The following PPP2R5C variants were observed in gnomAD, a reference collection of about 807,000 sequenced individuals.
PPP2R5C encodes the protein serine/threonine-protein phosphatase 2A 56 kDa regulatory subunit gamma isoform.
PPP2R5C carries 7 observed loss-of-function variants against 68.9 expected under a neutral mutation model. The ratio of observed to expected loss-of-function variants is 0.10; its 90% confidence interval spans 0.06 to 0.19. The LOEUF is 0.19. Ranked by LOEUF, PPP2R5C falls within the 10% of genes least tolerant of loss-of-function variation. The pLI, the probability that PPP2R5C is intolerant of heterozygous loss-of-function variation, is 1.00. For missense variants in PPP2R5C, 348 were observed against 641.3 expected, an observed-to-expected ratio of 0.54 and a Z score of 4.94; for synonymous variants, 210 against 222.2, an observed-to-expected ratio of 0.95 and a Z score of 0.49.
intron 1 of PPP2R5C, among the ~76,000 whole-genome samples, chr14:101,834,902 G>T (rs1448394507): frequency 6.6e-6 from 1 of 152,178 alleles, no homozygotes. Flanking sequence ...TGGGCCTGTG[G>T]CCACAGAGCC....
chr14:101,853,058 C>T (rs913766679), intron 1 of PPP2R5C, among the ~76,000 whole-genome samples: 1 of 152,056 alleles, frequency 6.6e-6, no homozygotes, highest in Non-Finnish European at 1.5e-5. Flanking sequence ...CTTCCACCAC[C>T]TCCACCCATT....
At chr14:101,827,337 A>G (rs1787817076) in intron 1 of PPP2R5C, among the ~76,000 whole-genome samples, 1 of 152,114 alleles carries the variant, frequency 6.6e-6, no homozygotes, top group South Asian at 2.1e-4. Context: ...TGCATTTATC[A>G]TTTATCCTGT....
chr14:101,917,764 C>T lies in PPP2R5C; in HGVS notation c.1327-67C>T. The T allele has an allele frequency of 6.2e-7, 1 of 1,602,776 alleles. No homozygotes were observed. The highest frequency in any genetic ancestry group is 1.3e-5 in the African/African-American group (1 of 74,758). On this transcript the variant is annotated intron_variant, in intron 12 of 13. Transcript: ENST00000334743. This position sits in a 1 kb window ranked among gnomAD's most constrained non-coding sequence, Gnocchi z 4.4. Reference sequence around the variant, plus strand: ...GCGGCAGGGGAGATGAGTCCCTAGCCAGGATGAGAAGCTTGGAGTTCAGAG... The same window carrying T: ...GCGGCAGGGGAGATGAGTCCCTAGCTAGGATGAGAAGCTTGGAGTTCAGAG...
In PPP2R5C at chr14:101,877,166, C is replaced by G. The variant is rs1225369273; in HGVS notation, c.295-4995C>G. On this transcript the variant is annotated intron_variant, in intron 2 of 13. Coordinates refer to ENST00000334743, the Ensembl canonical transcript of PPP2R5C. This position sits in a 1 kb window ranked among gnomAD's most constrained non-coding sequence, Gnocchi z 4.2. ...GTTTCACCATGTTGGCTAGGCTGCT[C>G]TTGAACTCTTGACCTCAAGTGATCC... Among the ~76,000 whole-genome samples the G allele has an allele frequency of 6.6e-6, 1 of 152,042 alleles. No individual in the cohort carries two copies. Among genetic ancestry groups the G allele is most frequent in the African/African-American group, 2.4e-5 (1 of 41,390 alleles).
At position 101,917,667 on chromosome 14, in the gene PPP2R5C, C is replaced by A; in HGVS notation, c.1327-164C>A. On this transcript the variant is annotated intron_variant, in intron 12 of 13. Transcript: ENST00000334743. This position sits in a 1 kb window ranked among gnomAD's most constrained non-coding sequence, Gnocchi z 4.4. ...AGTGCTTTCTGGTTTCAGAAGTCAG[C>A]AGCCGCATCATGTTGCAGGTGTAGG... The A allele has an allele frequency of 1.2e-6, 1 of 839,294 alleles. No individual in the cohort carries two copies. Among genetic ancestry groups the A allele is most frequent in the Non-Finnish European group, 1.8e-6 (1 of 549,750 alleles). 52.0% of individuals were successfully genotyped at this position (839,294 alleles called of 1,614,324 possible).
chr14:101,803,000 A>G (rs1287302073), intron 3 of PPP2R5C, among the ~76,000 whole-genome samples: 1 of 149,880 alleles, frequency 6.7e-6, no homozygotes, highest in Non-Finnish European at 1.5e-5. Context: ...AGATCACTTG[A>G]GCTCAAGAGT....
chr14:101,818,914 T>C, intron 1 of PPP2R5C: 2 of 1,139,356 alleles, frequency 1.8e-6, no homozygotes, highest in Non-Finnish European at 2.6e-6. Context: ...TGTCTGCTGG[T>C]TGTGTTACTC....
intron 1 of PPP2R5C, among the ~76,000 whole-genome samples, chr14:101,855,615 C>G (rs181121025): frequency 1.3e-5 from 2 of 152,190 alleles, no homozygotes; most frequent in Admixed American, 1.3e-4. Context: ...TACTTGTTCA[C>G]GGAGTTATGC....
In PPP2R5C at chr14:101,877,012, A is replaced by G. The variant is rs936020814; in HGVS notation, c.295-5149A>G. ...TGCCCAGGCTGGAGTGCAGTGGTGCAATCTCGGTTCACTGCAACTTCCACC... is the reference window on the plus strand; with the variant it reads ...TGCCCAGGCTGGAGTGCAGTGGTGCGATCTCGGTTCACTGCAACTTCCACC... On this transcript the variant is annotated intron_variant, in intron 2 of 13. Coordinates refer to ENST00000334743, the Ensembl canonical transcript of PPP2R5C. The surrounding 1 kb of genome is among the most constrained non-coding windows in gnomAD (Gnocchi z 4.2). Among the ~76,000 whole-genome samples, 2 of 132,262 alleles carry G rather than the reference A, an allele frequency of 1.5e-5. No individual in the cohort carries two copies. Among genetic ancestry groups the G allele is most frequent in the African/African-American group, 5.9e-5 (2 of 33,658 alleles). The allele number at this position is 132,262 out of a possible 152,430, so 86.8% of individuals were successfully genotyped here.
chr14:101,868,412 C>T (rs570229328), intron 2 of PPP2R5C, among the ~76,000 whole-genome samples: 21 of 152,098 alleles, frequency 1.4e-4, no homozygotes, highest in Non-Finnish European at 2.9e-4. Flanking sequence ...AAAAGTTAAT[C>T]TTTTTCCTAC....
At chr14:101,841,108 T>G (rs1217044603) in intron 1 of PPP2R5C, among the ~76,000 whole-genome samples, 1 of 152,138 alleles carries the variant, frequency 6.6e-6, no homozygotes, top group South Asian at 2.1e-4. Flanking sequence ...AAAGACAATA[T>G]TCCCATTTTC....
intron 1 of PPP2R5C, among the ~76,000 whole-genome samples, chr14:101,845,855 T>C (rs1274489964): frequency 6.6e-6 from 1 of 152,186 alleles, no homozygotes; most frequent in Non-Finnish European, 1.5e-5. Flanking sequence ...ATTGGAACGT[T>C]ATGGTGGACT....
chr14:101,761,011 G>A (rs571380820), upstream of PPP2R5C, among the ~76,000 whole-genome samples: 20 of 98,938 alleles, frequency 2.0e-4, no homozygotes, highest in South Asian at 6.1e-3. Context: ...CGAGAGAAGG[G>A]GAGGGCAGGG....
chr14:101,771,952 T>A (rs1007291843), intron 2 of PPP2R5C, among the ~76,000 whole-genome samples: 2 of 152,130 alleles, frequency 1.3e-5, no homozygotes, highest in Admixed American at 1.3e-4. Flanking sequence ...TGTAAATAAT[T>A]CAGTCCCTCA....
Position 101,917,477 on chromosome 14 carries a change from T to C in PPP2R5C, c.1327-354T>C, listed in dbSNP as rs2046742647. 6.6e-6 allele frequency among the ~76,000 whole-genome samples: 1 copy of C among 152,000 alleles called. No individual in the cohort carries two copies. Among genetic ancestry groups the C allele is most frequent in the Non-Finnish European group, 1.5e-5 (1 of 67,958 alleles). On this transcript the variant is annotated intron_variant, in intron 12 of 13. Coordinates refer to ENST00000334743, the Ensembl canonical transcript of PPP2R5C. The surrounding 1 kb of genome is among the most constrained non-coding windows in gnomAD (Gnocchi z 4.4). ...CGGCCAGAGGTGAGGGTTCCAGTGG[T>C]GAGACAGCTCCCACCACCGAGCCCA...
chr14:101,869,203 C>T (rs141762445), intron 2 of PPP2R5C, among the ~76,000 whole-genome samples: 188 of 152,324 alleles, frequency 1.2e-3, no homozygotes, highest in South Asian at 5.8e-3. Context: ...CAGTGTATAG[C>T]CTTTGGGTCT....
chr14:101,813,549 C>T lies in PPP2R5C; in HGVS notation c.94+3513C>T, dbSNP rs1024944194. On this transcript the variant is annotated intron_variant, in intron 1 of 13. Transcript: ENST00000334743. Reference sequence around the variant, plus strand: ...CTGGGCCAGCCGTGATGCTGTGAGGCGTGGTGGGTGGGCCCACTTCCCACC... The same window carrying T: ...CTGGGCCAGCCGTGATGCTGTGAGGTGTGGTGGGTGGGCCCACTTCCCACC... Among the ~76,000 whole-genome samples the T allele has an allele frequency of 3.9e-5, 6 of 152,312 alleles. 1 individual carries two copies. The South Asian group carries it at 1.2e-3, about 32-fold the overall frequency.
rs2041081130 is a variant in PPP2R5C at position 101,836,150 on chromosome 14, A to AAGGT, written c.95-20535_95-20532dup. 5.8e-6 allele frequency: 4 copies of AAGGT among 686,942 alleles called. No individual in the cohort carries two copies. In the East Asian group the frequency reaches 1.1e-4, roughly 19 times the overall value. The allele number at this position is 686,942 out of a possible 1,614,324, so 42.6% of individuals were successfully genotyped here. A position where few individuals can be genotyped will look rare whatever the true frequency, so the allele number is the denominator to read the frequency against. On this transcript the variant is annotated intron_variant, in intron 1 of 13. Transcript: ENST00000334743. ...GAAACTGAGATTTCCTAGCAGCTGAAAGGTTTTTTTTTTTGCAGTTGAGGC... is the reference window on the plus strand; with the variant it reads ...GAAACTGAGATTTCCTAGCAGCTGAAAGGTAGGTTTTTTTTTTTGCAGTTGAGGC...
intron 2 of PPP2R5C, among the ~76,000 whole-genome samples, chr14:101,875,386 A>G (rs1815870639): frequency 6.6e-6 from 1 of 152,234 alleles, no homozygotes; most frequent in South Asian, 2.1e-4. Context: ...ACAGCATCAT[A>G]GAAGAGCTTA....
Sources: allele counts gnomAD v4.1 joint callset (sites outside exome capture counted in the v4.1 genomes callset), GRCh38; gene constraint gnomAD v4.1.1; non-coding constraint Gnocchi (gnomAD v3.1); transcripts MANE v1.5; gene names NCBI Gene and HGNC (gene_info 2026-07-23, HGNC 2026-07-21).